RANBP2: variants seen among roughly 807,000 people sequenced by gnomAD.
RANBP2 encodes RAN binding protein 2, also known as E3 SUMO-protein ligase RanBP2.
RANBP2 carries 57 observed loss-of-function variants against 303.6 expected under a neutral mutation model. That is an observed-to-expected ratio of 0.19 (90% confidence interval 0.15 to 0.23). The LOEUF (loss-of-function observed/expected upper bound fraction) is 0.23. Among genes scored for constraint, RANBP2 ranks in the 10% least tolerant of loss-of-function variants. The pLI is 1.00. For missense variants in RANBP2, 3,138 were observed against 3,780.8 expected (o/e 0.83, Z 4.46); for synonymous variants, 1,167 against 1,301.5 (o/e 0.90, Z 2.23).
the RANBP2 span, among the ~76,000 whole-genome samples, chr2:108,946,636 G>A: frequency 6.6e-6 from 1 of 152,174 alleles, no homozygotes; most frequent in African/African-American, 2.4e-5. Context: ...ATAGCAGAAG[G>A]CAAAGGGGAG....
chr2:109,461,848 A>G, the RANBP2 span, among the ~76,000 whole-genome samples: 1 of 152,154 alleles, frequency 6.6e-6, no homozygotes, highest in Admixed American at 6.5e-5. Context: ...AAAACTATCA[A>G]TTTTGGGGGT....
the RANBP2 span, among the ~76,000 whole-genome samples, chr2:109,607,118 A>G: frequency 6.6e-6 from 1 of 152,180 alleles, no homozygotes; most frequent in African/African-American, 2.4e-5. Context: ...TTAGCTCAAT[A>G]TTGAGCTTTT....
At chr2:109,347,768 T>C in the RANBP2 span, 1 of 1,614,012 alleles carries the variant, frequency 6.2e-7, no homozygotes. Flanking sequence ...ATCATCGTCC[T>C]GCGGCGCAAG....
chr2:109,443,190 T>G, the RANBP2 span, among the ~76,000 whole-genome samples: 1 of 152,268 alleles, frequency 6.6e-6, no homozygotes, highest in African/African-American at 2.4e-5. Context: ...TCTAGTAGAT[T>G]CTATTTTATT....
the RANBP2 span, chr2:109,502,817 A>C: frequency 6.6e-6 from 1 of 152,234 alleles, no homozygotes; most frequent in Non-Finnish European, 1.5e-5. Context: ...CATTCTCAGA[A>C]GATGATTTCT....
At chr2:109,526,716 C>G in the RANBP2 span, among the ~76,000 whole-genome samples, 4 of 152,134 alleles carry the variant, frequency 2.6e-5, no homozygotes, top group African/African-American at 9.7e-5. Flanking sequence ...GGGGGCTCAC[C>G]GATGACAGCT....
chr2:108,783,307 G>A lies in RANBP2; in HGVS notation c.9370-289G>A, dbSNP rs148766588. Among the ~76,000 whole-genome samples the A allele has an allele frequency of 7.5e-4, 106 of 141,820 alleles. 1 individual carries two copies. The highest frequency in any genetic ancestry group is 2.7e-3 in the African/African-American group (100 of 36,650). 93.0% of individuals were successfully genotyped at this position (141,820 alleles called of 152,430 possible). ...GTTTGCACCACTGCACTCCATCCTGGGCGACAGAGTGAGACAGCCTGTCAT... is the reference window on the plus strand; with the variant it reads ...GTTTGCACCACTGCACTCCATCCTGAGCGACAGAGTGAGACAGCCTGTCAT... On this transcript the variant is annotated intron_variant, in intron 28 of 28. Coordinates refer to ENST00000283195, the MANE Select transcript of RANBP2 (RefSeq NM_006267.5).
the RANBP2 span, among the ~76,000 whole-genome samples, chr2:108,967,995 C>T: frequency 1.6e-4 from 24 of 152,230 alleles, no homozygotes; most frequent in Middle Eastern, 3.4e-3. Flanking sequence ...GAACAGGACG[C>T]GTGGAGAGAT....
chr2:108,825,357 GT>G, the RANBP2 span, among the ~76,000 whole-genome samples: 14 of 150,532 alleles, frequency 9.3e-5, no homozygotes, highest in East Asian at 1.2e-3. Flanking sequence ...GCAATTCAGT[GT>G]TTTTTTTTCT....
the RANBP2 span, among the ~76,000 whole-genome samples, chr2:109,476,104 G>A: frequency 2.0e-5 from 3 of 152,206 alleles, no homozygotes; most frequent in African/African-American, 7.2e-5. Context: ...CTCAGGTTAA[G>A]TGTTCTTACC....
the RANBP2 span, among the ~76,000 whole-genome samples, chr2:108,937,693 A>C: frequency 6.6e-6 from 1 of 151,340 alleles, no homozygotes; most frequent in Non-Finnish European, 1.5e-5. Context: ...TGTGATGTGT[A>C]TGTGTGTGAG....
At chr2:109,557,107 A>C in the RANBP2 span, among the ~76,000 whole-genome samples, 5 of 152,258 alleles carry the variant, frequency 3.3e-5, no homozygotes, top group South Asian at 1.0e-3. Flanking sequence ...CCAACATGGC[A>C]CATGTATATA....
At chr2:108,995,143 T>C in the RANBP2 span, among the ~76,000 whole-genome samples, 2 of 152,060 alleles carry the variant, frequency 1.3e-5, no homozygotes, top group Non-Finnish European at 2.9e-5. Flanking sequence ...TTGGGTTTTA[T>C]TTATTAGTAT....
chr2:109,382,634 A>T, the RANBP2 span, among the ~76,000 whole-genome samples: 27 of 152,264 alleles, frequency 1.8e-4, no homozygotes, highest in African/African-American at 6.5e-4. Context: ...GCCCTGTCAC[A>T]TCTTCAAATC....
the RANBP2 span, among the ~76,000 whole-genome samples, chr2:109,070,652 G>A: frequency 1.3e-5 from 2 of 152,180 alleles, no homozygotes; most frequent in African/African-American, 2.4e-5. Context: ...TTGAGCTCAG[G>A]AGTTCGACAC....
the RANBP2 span, among the ~76,000 whole-genome samples, chr2:109,202,744 G>C: frequency 2.0e-5 from 3 of 152,170 alleles, no homozygotes; most frequent in East Asian, 3.9e-4. Flanking sequence ...CCGTGGGGCT[G>C]TCGACAGCCC....
At chr2:109,453,748 G>C in the RANBP2 span, among the ~76,000 whole-genome samples, 265 of 152,352 alleles carry the variant, frequency 1.7e-3, 1 homozygote, top group African/African-American at 5.5e-3. Flanking sequence ...AGGTAAACAG[G>C]CGATTGATTG....
the RANBP2 span, among the ~76,000 whole-genome samples, chr2:109,624,827 T>A: frequency 6.6e-6 from 1 of 152,124 alleles, no homozygotes; most frequent in Non-Finnish European, 1.5e-5. Flanking sequence ...ACTCCTGTAA[T>A]CCCAGCACTT....
At chr2:109,089,637 G>A in the RANBP2 span, among the ~76,000 whole-genome samples, 15 of 152,120 alleles carry the variant, frequency 9.9e-5, no homozygotes, top group Admixed American at 5.2e-4. Context: ...AACCTGGTGG[G>A]GACATGTGTT....
Sources: gnomAD v4.1 joint callset for allele counts (sites outside exome capture counted in the v4.1 genomes callset) on GRCh38, gnomAD v4.1.1 for gene constraint, MANE v1.5 for transcripts, NCBI Gene and HGNC (gene_info 2026-07-23, HGNC 2026-07-21) for gene names.